The following RYK variants were observed in gnomAD, a reference collection of about 807,000 sequenced individuals.
RYK encodes the protein inactive tyrosine-protein kinase RYK.
In RYK, 21 loss-of-function variants were observed where a neutral mutation model predicts 70.2. The observed-to-expected ratio is 0.30, with a 90% CI of 0.21 to 0.43. The LOEUF is 0.43. Ranked by LOEUF, RYK falls within the 20% of genes least tolerant of loss-of-function variation. The pLI, the probability that RYK is intolerant of heterozygous loss-of-function variation, is 1.00. For synonymous variants in RYK, 267 were observed against 278.0 expected (o/e 0.96, Z 0.39); for missense variants, 604 against 753.3 (o/e 0.80, Z 2.32).
At chr3:134,215,415 G>A (rs1386647103) in intron 2 of RYK, among the ~76,000 whole-genome samples, 1 of 152,192 alleles carries the variant, frequency 6.6e-6, no homozygotes, top group African/African-American at 2.4e-5. Context: ...GGAATATGAA[G>A]CATGAAACTG....
intron 2 of RYK, among the ~76,000 whole-genome samples, chr3:134,218,979 T>C (rs1052666489): frequency 6.6e-6 from 1 of 152,140 alleles, no homozygotes; most frequent in African/African-American, 2.4e-5. Flanking sequence ...AAAATAGTCA[T>C]ACCCTCCAAA....
intron 11 of RYK, among the ~76,000 whole-genome samples, chr3:134,176,521 T>C (rs2108151994): frequency 6.6e-6 from 1 of 152,244 alleles, no homozygotes; most frequent in African/African-American, 2.4e-5. Context: ...GGAGGATCAC[T>C]TGAGCCCAGG....
At chr3:134,239,593 C>T (rs1429578278) in intron 1 of RYK, among the ~76,000 whole-genome samples, 3 of 152,192 alleles carry the variant, frequency 2.0e-5, no homozygotes, top group Non-Finnish European at 2.9e-5. Flanking sequence ...AAATGATCAA[C>T]AGAATGATGA....
At chr3:134,190,152 T>C (rs910375537) in intron 8 of RYK, among the ~76,000 whole-genome samples, 1 of 152,234 alleles carries the variant, frequency 6.6e-6, no homozygotes, top group Non-Finnish European at 1.5e-5. Flanking sequence ...AATCTTCATT[T>C]AAGACATTTT....
chr3:134,217,939 A>G (rs557146907), intron 2 of RYK, among the ~76,000 whole-genome samples: 2 of 152,338 alleles, frequency 1.3e-5, no homozygotes, highest in African/African-American at 4.8e-5. Flanking sequence ...TGGGAACTGC[A>G]ATAGTGGCTG....
At chr3:134,171,469 C>T (rs1381525445) in intron 13 of RYK, among the ~76,000 whole-genome samples, 1 of 152,186 alleles carries the variant, frequency 6.6e-6, no homozygotes, top group African/African-American at 2.4e-5. Flanking sequence ...AATTTTCACT[C>T]TGTAGGTCCT....
intron 8 of RYK, 125 bp downstream of exon 8, chr3:134,191,724 A>C: frequency 2.8e-6 from 2 of 714,400 alleles, no homozygotes; most frequent in Admixed American, 7.1e-5. Flanking sequence ...AAGAAAAACC[A>C]TACACTGCTT....
intron 1 of RYK, 48 bp downstream of exon 1, chr3:134,250,375 C>G: frequency 8.0e-7 from 1 of 1,246,560 alleles, no homozygotes; most frequent in Non-Finnish European, 1.0e-6. Flanking sequence ...CCGGAAGCTG[C>G]CCCAGCCGGC....
intron 1 of RYK, among the ~76,000 whole-genome samples, chr3:134,250,164 A>G (rs572684188): frequency 6.6e-4 from 100 of 152,136 alleles, no homozygotes; most frequent in African/African-American, 2.2e-3. Flanking sequence ...AGTGAGGAGG[A>G]TGGGATGGGG....
rs138464846 is a variant in RYK at position 134,199,754 on chromosome 3, C to G, written c.788+2976G>C. ...AATAGGACAGGAAAGGGCAGAAGAA[C>G]TTTGTCCATCACTACTAGTGAGAGG... On this transcript the variant is annotated intron_variant, in intron 6 of 14. Coordinates refer to ENST00000623711, the MANE Select transcript of RYK (RefSeq NM_002958.4). Among the ~76,000 whole-genome samples the G allele has an allele frequency of 2.5e-4, 38 of 152,262 alleles. 2 individuals are homozygous for G. The highest frequency in any genetic ancestry group is 8.7e-4 in the African/African-American group (36 of 41,560).
intron 6 of RYK, among the ~76,000 whole-genome samples, chr3:134,199,150 G>A (rs1416257442): frequency 1.3e-5 from 2 of 152,238 alleles, no homozygotes; most frequent in Admixed American, 1.3e-4. Flanking sequence ...AGTGTTGAGA[G>A]AGGGAAAGCC....
intron 4 of RYK, among the ~76,000 whole-genome samples, chr3:134,208,347 A>G (rs1391501126): frequency 6.6e-6 from 1 of 152,182 alleles, no homozygotes; most frequent in Admixed American, 6.5e-5. Context: ...TAAGGAACTG[A>G]ATGTTTTACA....
chr3:134,192,113 G>T, intron 7 of RYK, 139 bp from the exon 8 acceptor site: 2 of 746,412 alleles, frequency 2.7e-6, no homozygotes, highest in Non-Finnish European at 4.2e-6. Flanking sequence ...GCATATATAT[G>T]AACTAGGAGA....
intron 6 of RYK, among the ~76,000 whole-genome samples, chr3:134,202,249 G>A (rs2014050746): frequency 6.6e-6 from 1 of 152,148 alleles, no homozygotes; most frequent in Non-Finnish European, 1.5e-5. Context: ...CAAAATCTCT[G>A]GAAGGTGGAC....
At chr3:134,220,826 C>T (rs2014712606) in intron 2 of RYK, among the ~76,000 whole-genome samples, 1 of 152,140 alleles carries the variant, frequency 6.6e-6, no homozygotes, top group African/African-American at 2.4e-5. Flanking sequence ...TTGTTTTCAT[C>T]ATCCCATTAC....
intron 2 of RYK, among the ~76,000 whole-genome samples, chr3:134,218,551 A>G (rs886896235): frequency 6.6e-6 from 1 of 152,196 alleles, no homozygotes; most frequent in African/African-American, 2.4e-5. Context: ...AAGAATGAAA[A>G]AACGGCATTT....
intron 1 of RYK, among the ~76,000 whole-genome samples, chr3:134,249,889 CCTTA>C (rs2015562130): frequency 6.8e-6 from 1 of 146,928 alleles, no homozygotes; most frequent in African/African-American, 2.6e-5. Flanking sequence ...CATTTGGTGC[CCTTA>C]TAACCTCCCC....
intron 7 of RYK, among the ~76,000 whole-genome samples, chr3:134,193,752 C>T (rs2013724363): frequency 2.0e-5 from 3 of 152,090 alleles, no homozygotes; most frequent in South Asian, 4.1e-4. Flanking sequence ...TGCCTTCTTT[C>T]CTCCTTTTTT....
Position 134,207,547 on chromosome 3 carries a change from G to A in RYK, c.590-22C>T, listed in dbSNP as rs190215312. The A allele has an allele frequency of 7.7e-4, 1,136 of 1,480,704 alleles. 1 individual carries two copies. The highest frequency in any genetic ancestry group is 1.3e-3 in the Admixed American group (58 of 45,804). 91.7% of individuals were successfully genotyped at this position (1,480,704 alleles called of 1,614,324 possible). ...AGTTCTGAATTTAAAGGAGAAAAAT[G>A]ATGCTTTAGAAATTCTCTTTTCCAT... On this transcript the variant is annotated intron_variant, in intron 4 of 14. Transcript: ENST00000623711.
Sources: gnomAD v4.1 joint callset for allele counts (sites outside exome capture counted in the v4.1 genomes callset) on GRCh38, gnomAD v4.1.1 for gene constraint, MANE v1.5 for transcripts, NCBI Gene and HGNC (gene_info 2026-07-23, HGNC 2026-07-21) for gene names.